GRM7: variants seen among roughly 807,000 people sequenced by gnomAD.
GRM7 encodes metabotropic glutamate receptor 7.
GRM7 carries 35 observed loss-of-function variants against 84.5 expected under a neutral mutation model. The observed-to-expected ratio is 0.41, with a 90% confidence interval of 0.32 to 0.55. GRM7 has a LOEUF of 0.55. GRM7 is among the 20% of genes least tolerant of loss of function. GRM7 has a pLI of 0.19. For synonymous variants in GRM7, 487 were observed against 455.1 expected (o/e 1.07, Z -0.89); for missense variants, 1,003 against 1,194.6 (o/e 0.84, Z 2.36).
At chr3:7,376,662 C>G (rs768212715) in intron 4 of GRM7, among the ~76,000 whole-genome samples, 1 of 152,164 alleles carries the variant, frequency 6.6e-6, no homozygotes, top group Non-Finnish European at 1.5e-5. Flanking sequence ...GAACCATGCT[C>G]TTTTGCTTAT....
intron 2 of GRM7, among the ~76,000 whole-genome samples, chr3:7,179,768 A>G (rs1695276501): frequency 6.6e-6 from 1 of 152,182 alleles, no homozygotes; most frequent in African/African-American, 2.4e-5. Flanking sequence ...ACATGCCACT[A>G]AGTCATATTT....
intron 2 of GRM7, among the ~76,000 whole-genome samples, chr3:7,279,258 C>T (rs1405778648): frequency 1.3e-5 from 2 of 152,016 alleles, no homozygotes; most frequent in South Asian, 2.1e-4. Context: ...TGTGAACATG[C>T]GTGAATGCAT....
chr3:7,272,161 C>T lies in GRM7; in HGVS notation c.737-26523C>T, dbSNP rs182987324. Among the ~76,000 whole-genome samples the T allele has an allele frequency of 1.7e-3, 253 of 152,192 alleles. 1 individual carries two copies. The highest frequency in any genetic ancestry group is 2.5e-3 in the Non-Finnish European group (169 of 68,004). ...ATTACATGTTTTTCCTCTCTCCCTC[C>T]GTAACCCCACCCCTTCTTTATGTCA... is the stretch of plus-strand genomic sequence containing the variant. On this transcript the variant is annotated intron_variant, in intron 2 of 9. Transcript: ENST00000357716.
intron 3 of GRM7, among the ~76,000 whole-genome samples, chr3:7,306,258 G>A (rs1700190849): frequency 6.6e-6 from 1 of 152,104 alleles, no homozygotes; most frequent in Admixed American, 6.5e-5. Flanking sequence ...TTGGACATTT[G>A]TATTTATCTT....
intron 9 of GRM7, chr3:7,681,974 T>G (rs78326986): frequency 6.6e-6 from 1 of 152,152 alleles, no homozygotes; most frequent in African/African-American, 2.4e-5. Context: ...TATTAAGATA[T>G]AGTAGCTAAA....
At chr3:7,487,014 C>T (rs1389104940) in intron 7 of GRM7, among the ~76,000 whole-genome samples, 1 of 152,124 alleles carries the variant, frequency 6.6e-6, no homozygotes, top group African/African-American at 2.4e-5. Flanking sequence ...GAAGGTCATT[C>T]TAATGAAGTC....
In GRM7 at chr3:7,071,914, A is replaced by G. The variant is rs150542842; in HGVS notation, c.520-74538A>G. Among the ~76,000 whole-genome samples, 413 of 152,100 alleles carry G rather than the reference A, an allele frequency of 2.7e-3. 3 individuals carry two copies. Among genetic ancestry groups the G allele is most frequent in the African/African-American group, 9.4e-3 (390 of 41,536 alleles). ...TACAATAATATCTAATATTTACTCCATTTTTCTTAATCTCAGAGAACGGTC... is the reference window on the plus strand; with the variant it reads ...TACAATAATATCTAATATTTACTCCGTTTTTCTTAATCTCAGAGAACGGTC... On this transcript the variant is annotated intron_variant, in intron 1 of 9. Transcript: ENST00000357716.
chr3:7,513,025 A>G (rs994969810), intron 7 of GRM7, among the ~76,000 whole-genome samples: 1 of 152,252 alleles, frequency 6.6e-6, no homozygotes, highest in African/African-American at 2.4e-5. Flanking sequence ...GCTGCCAGGC[A>G]GTAGTACCTG....
chr3:7,648,644 G>A (rs757367867), intron 8 of GRM7, among the ~76,000 whole-genome samples: 28 of 144,990 alleles, frequency 1.9e-4, no homozygotes, highest in South Asian at 4.2e-4. Context: ...GTGATACTCC[G>A]TCTCAAAAAG....
At chr3:7,362,144 G>T (rs966288678) in intron 4 of GRM7, among the ~76,000 whole-genome samples, 1 of 152,074 alleles carries the variant, frequency 6.6e-6, no homozygotes, top group Non-Finnish European at 1.5e-5. Context: ...CATTGTGATT[G>T]AAATGCTGCT....
At chr3:7,068,172 T>C (rs1305718462) in intron 1 of GRM7, among the ~76,000 whole-genome samples, 1 of 151,986 alleles carries the variant, frequency 6.6e-6, no homozygotes, top group Non-Finnish European at 1.5e-5. Flanking sequence ...TACTTAGAAG[T>C]GATTACTGAT....
chr3:7,354,718 G>A (rs553465764), intron 4 of GRM7, among the ~76,000 whole-genome samples: 9 of 152,238 alleles, frequency 5.9e-5, no homozygotes, highest in South Asian at 4.1e-4. Flanking sequence ...CTTACCACAT[G>A]GCGACTCCAA....
intron 1 of GRM7, among the ~76,000 whole-genome samples, chr3:7,137,976 T>C (rs1693823347): frequency 6.6e-6 from 1 of 152,116 alleles, no homozygotes; most frequent in Admixed American, 6.6e-5. Flanking sequence ...AAATATTTTA[T>C]ACATTAATAG....
chr3:7,021,011 C>T (rs1559388455), intron 1 of GRM7, among the ~76,000 whole-genome samples: 1 of 152,098 alleles, frequency 6.6e-6, no homozygotes, highest in Non-Finnish European at 1.5e-5. Flanking sequence ...TAATATAATA[C>T]ACACAAAGAA....
intron 1 of GRM7, among the ~76,000 whole-genome samples, chr3:7,121,852 C>G (rs1011043048): frequency 6.6e-6 from 1 of 152,104 alleles, no homozygotes; most frequent in African/African-American, 2.4e-5. Flanking sequence ...GGTGGGGCCT[C>G]AAAAGAGGTG....
At chr3:7,355,376 A>G (rs1442618136) in intron 4 of GRM7, among the ~76,000 whole-genome samples, 3 of 152,070 alleles carry the variant, frequency 2.0e-5, no homozygotes, top group Non-Finnish European at 4.4e-5. Flanking sequence ...CAATAGGTCC[A>G]GGCACCTGTG....
At chr3:7,607,650 A>C (rs1312532246) in intron 8 of GRM7, 1 of 148,878 alleles carries the variant, frequency 6.7e-6, no homozygotes, top group Admixed American at 6.7e-5. Context: ...TTGGCTGGGG[A>C]GCGGGGGGCG....
chr3:7,378,085 A>G (rs1025667984), intron 4 of GRM7, among the ~76,000 whole-genome samples: 11 of 152,188 alleles, frequency 7.2e-5, no homozygotes, highest in Non-Finnish European at 1.6e-4. Context: ...ATTTCTAGAC[A>G]AAATTATATG....
intron 5 of GRM7, 38 bp downstream of exon 5, chr3:7,415,201 C>T (rs371497372): frequency 2.2e-4 from 346 of 1,574,736 alleles, no homozygotes; most frequent in Admixed American, 4.2e-4. Flanking sequence ...TATTACTCTA[C>T]GTGGCTAGCA....
Sources: gnomAD v4.1 joint callset for allele counts (sites outside exome capture counted in the v4.1 genomes callset) on GRCh38, gnomAD v4.1.1 for gene constraint, MANE v1.5 for transcripts, NCBI Gene and HGNC (gene_info 2026-07-23, HGNC 2026-07-21) for gene names.